Variants in DNAH17 observed in about 807,000 individuals in gnomAD.
DNAH17 encodes the protein axonemal beta dynein heavy chain 17.
A neutral mutation model predicts 485.6 loss-of-function variants in DNAH17; 376 were observed. That is an observed-to-expected ratio of 0.77 (90% CI 0.71 to 0.84). DNAH17 has a LOEUF of 0.84. DNAH17 is among the 40% of genes least tolerant of loss of function. The probability of loss-of-function intolerance (pLI) is 0.00; values close to 1 mark genes in which losing one functional copy is unlikely to be tolerated. For synonymous variants in DNAH17, 3,031 were observed against 2,405.9 expected, an observed-to-expected ratio of 1.26 and a Z score of -7.60; for missense variants, 6,370 against 5,839.3, an observed-to-expected ratio of 1.09 and a Z score of -2.96.
rs750347013 is a variant in DNAH17 at position 78,574,834 on chromosome 17, T to C, written c.224A>G (p.Lys75Arg). Residue 75 changes from lysine (K) to arginine (R), a missense_variant, in exon 2 of 81, where the codon AAA becomes AGA. Physicochemically the swap from Lys to Arg is conservative, Grantham distance 26. Transcript: ENST00000389840. Reference sequence around the variant, plus strand: ...CTTTGTCTTGATGAAGTAAACCCCTTTGGACTTGAGGGACTGGGGGAAGCC... The same window carrying C: ...CTTTGTCTTGATGAAGTAAACCCCTCTGGACTTGAGGGACTGGGGGAAGCC... ...CLGFPQSLKS[K>R]GVYFIKTKSE... 2.5e-6 allele frequency: 4 copies of C among 1,613,852 alleles called. No individual in the cohort carries two copies. Among genetic ancestry groups the C allele is most frequent in the African/African-American group, 1.3e-5 (1 of 74,902 alleles).
At chr17:78,527,844 T>C (rs993003552) in intron 22 of DNAH17, among the ~76,000 whole-genome samples, 1 of 152,180 alleles carries the variant, frequency 6.6e-6, no homozygotes. Context: ...AGTGGTGCGA[T>C]CTTGGCTCAC....
Position 78,524,896 on chromosome 17 carries a change from C to T in DNAH17, c.3864+113G>A, listed in dbSNP as rs1027659144. 3.0e-5 allele frequency: 43 copies of T among 1,444,870 alleles called. 1 individual carries two copies. In the Admixed American group the frequency reaches 5.9e-4, roughly 20 times the overall value. 89.5% of individuals were successfully genotyped at this position (1,444,870 alleles called of 1,614,324 possible). ...GGATGCCTCCACCCAACACCAGAAA[C>T]CTTCTTGTCACATTCTTACAACCAA... On this transcript the variant is annotated intron_variant, in intron 25 of 80. Coordinates refer to ENST00000389840, the MANE Select transcript of DNAH17 (RefSeq NM_173628.4).
In DNAH17 at chr17:78,492,697, G is replaced by A. The variant is rs1312548125; in HGVS notation, c.6477C>T (p.Pro2159=). 1 of 1,613,442 alleles carries A rather than the reference G, an allele frequency of 6.2e-7. No homozygotes were observed. Among genetic ancestry groups the A allele is most frequent in the East Asian group, 2.2e-5 (1 of 44,838 alleles). ...AGAGCTCGTCGCAGGTGACGGCCTT[G>A]GGGTCCAGGTCCACGGCGACCGGCT... is the stretch of plus-strand genomic sequence containing the variant. ...KRKPVAVDLD[P]KAVTCDELFG... Residue 2159 remains proline, a synonymous_variant, in exon 42 of 81, where the codon CCC becomes CCT. Coordinates refer to ENST00000389840, the MANE Select transcript of DNAH17 (RefSeq NM_173628.4).
At chr17:78,472,393 C>G (rs1190429244) in intron 54 of DNAH17, among the ~76,000 whole-genome samples, 2 of 151,926 alleles carry the variant, frequency 1.3e-5, no homozygotes, top group Non-Finnish European at 2.9e-5. Context: ...AAGGCCTCCT[C>G]CCTGAGAATA....
In DNAH17 at chr17:78,502,631, T is replaced by C; in HGVS notation, c.5150A>G (p.Glu1717Gly). The change falls in exon 33 of 81, where the codon GAA becomes GGA. Residue 1717 changes from glutamate to glycine, a missense_variant. Transcript: ENST00000389840. ...ATCTCTGATAGCGTTTTCATAGCCT[T>C]CCTCCAGCCTGGCAAATGCCAGGCC... is the stretch of plus-strand genomic sequence containing the variant. ...EVGLAFARLE[E>G]GYENAIRDYN... The C allele has an allele frequency of 8.1e-6, 13 of 1,612,728 alleles. No homozygotes were observed. The highest frequency in any genetic ancestry group is 1.1e-5 in the Non-Finnish European group (13 of 1,179,874).
Position 78,426,523 on chromosome 17 carries a change from C to T in DNAH17, c.12849G>A (p.Val4283=). The T allele has an allele frequency of 6.2e-7, 1 of 1,613,764 alleles. No individual in the cohort carries two copies. The highest frequency in any genetic ancestry group is 8.5e-7 in the Non-Finnish European group (1 of 1,179,784). ...CCATCATGGAGGGGTAGGCCCGGGC[C>T]ACCCACGTATCAGGCACGGTGTCAT... is the stretch of plus-strand genomic sequence containing the variant. ...LFYDTVPDTW[V]ARAYPSMMGL... The change falls in exon 79 of 81, where the codon GTG becomes GTA. Residue 4283 remains valine (V), a synonymous_variant. Transcript: ENST00000389840.
chr17:78,484,743 C>CCCAGG, intron 48 of DNAH17, 125 bp downstream of exon 48: 9 of 295,600 alleles, frequency 3.0e-5, no homozygotes, highest in African/African-American at 1.1e-4. Flanking sequence ...TGCAGCACCC[C>CCCAGG]CCCCACCGCC....
Position 78,514,885 on chromosome 17 carries a change from C to T in DNAH17, c.4002G>A (p.Val1334=), listed in dbSNP as rs987304284. 6.2e-7 allele frequency: 1 copy of T among 1,614,062 alleles called. No individual in the cohort carries two copies. The highest frequency in any genetic ancestry group is 1.7e-5 in the Admixed American group (1 of 60,024). ...CGTTTTTCACGGTGTTGTCGAGCCC[C>T]ACGAAGGCATCCCAGGTTTTCATCT... ...DKEMKTWDAF[V]GLDNTVKNVI... is the part of the protein sequence containing the mutation. Residue 1334 remains valine, a synonymous_variant, in exon 26 of 81, where the codon GTG becomes GTA. Coordinates refer to ENST00000389840, the MANE Select transcript of DNAH17 (RefSeq NM_173628.4).
At chr17:78,502,561 AACGTAACT>A in intron 33 of DNAH17, 22 bp downstream of exon 33, 7 of 1,589,508 alleles carry the variant, frequency 4.4e-6, no homozygotes, top group Non-Finnish European at 6.0e-6. Flanking sequence ...AAGTTTTAAA[AACGTAACT>A]AACTACACAC....
chr17:78,548,225 G>A (rs528869196), intron 16 of DNAH17, among the ~76,000 whole-genome samples: 288 of 17,568 alleles, frequency 0.016, 2 homozygotes, highest in Middle Eastern at 0.033. Flanking sequence ...TTTTTTTGGA[G>A]ACAGAGTCTT....
In DNAH17 at chr17:78,567,110, GC is replaced by G; in HGVS notation, c.1340del (p.Gly447AlafsTer11). ...GGCTCCCGAGGAGGTTCCCACGCAC[GC>G]CCCCAAGCTCGATTTTCTCCAGCTT... ...FLKLEKIELG[G>X]VRGNLLGSLV... On this transcript the variant is annotated frameshift_variant, in exon 10 of 81. Coordinates refer to ENST00000389840, the MANE Select transcript of DNAH17 (RefSeq NM_173628.4). LOFTEE classifies it high-confidence loss of function. The G allele has an allele frequency of 6.2e-7, 1 of 1,611,734 alleles. No homozygotes were observed. The highest frequency in any genetic ancestry group is 8.5e-7 in the Non-Finnish European group (1 of 1,178,964).
At chr17:78,509,832 C>G (rs2090584163) in intron 27 of DNAH17, among the ~76,000 whole-genome samples, 1 of 152,218 alleles carries the variant, frequency 6.6e-6, no homozygotes, top group African/African-American at 2.4e-5. Context: ...ATGTTCCAAA[C>G]TATTGCATGT....
At chr17:78,427,778 C>A (rs1159811658) in intron 77 of DNAH17, among the ~76,000 whole-genome samples, 1 of 152,112 alleles carries the variant, frequency 6.6e-6, no homozygotes, top group African/African-American at 2.4e-5. Flanking sequence ...TCAAAACCAG[C>A]CTGGCCAACA....
In DNAH17 at chr17:78,524,993, C is replaced by T. The variant is rs764082490; in HGVS notation, c.3864+16G>A. On this transcript the variant is annotated intron_variant, in intron 25 of 80. Coordinates refer to ENST00000389840, the MANE Select transcript of DNAH17 (RefSeq NM_173628.4). ...AGAATCCCGGGCCCCACCCACGCGG[C>T]GTGCCCTGCACTCACCACAACAACC... is the stretch of plus-strand genomic sequence containing the variant. The T allele has an allele frequency of 1.1e-5, 18 of 1,595,000 alleles. No individual in the cohort carries two copies. Among genetic ancestry groups the T allele is most frequent in the Middle Eastern group, 1.7e-4 (1 of 6,006 alleles).
At position 78,459,772 on chromosome 17, in the gene DNAH17, G is replaced by A. The variant is rs1410817153; in HGVS notation, c.9653+12C>T. The A allele has an allele frequency of 1.2e-6, 2 of 1,613,652 alleles. No individual in the cohort carries two copies. The highest frequency in any genetic ancestry group is 1.7e-5 in the Admixed American group (1 of 60,010). Reference sequence around the variant, plus strand: ...AGGGAAGCCCCGGCTACGAGGCCCAGCCCCGACTCACTTGAAGGCCTTCAG... The same window carrying A: ...AGGGAAGCCCCGGCTACGAGGCCCAACCCCGACTCACTTGAAGGCCTTCAG... On this transcript the variant is annotated intron_variant, in intron 60 of 80. Transcript: ENST00000389840.
Position 78,507,564 on chromosome 17 carries a change from T to C in DNAH17, c.4478A>G (p.Gln1493Arg), listed in dbSNP as rs200445054. The change falls in exon 28 of 81, where the codon CAG (glutamine) becomes CGG (arginine). Residue 1493 changes from glutamine (Q) to arginine (R), a missense_variant. By Grantham distance (43) the Gln-to-Arg change is conservative. Coordinates refer to ENST00000389840, the MANE Select transcript of DNAH17 (RefSeq NM_173628.4). The part of the protein sequence containing the change: ...DSVISIWFEV[Q>R]RTWSHLESIF... ...GCTCTCCAGGTGGCTCCAGGTTCGCTGGACCTCAAACCAGATGGAGATGAC... is the reference window on the plus strand; with the variant it reads ...GCTCTCCAGGTGGCTCCAGGTTCGCCGGACCTCAAACCAGATGGAGATGAC... 184 of 1,613,982 alleles carry C rather than the reference T, an allele frequency of 1.1e-4. No homozygotes were observed. Among genetic ancestry groups the C allele is most frequent in the African/African-American group, 4.0e-5 (3 of 74,942 alleles).
rs368080543 is a variant in DNAH17, at chr17:78,501,819, C to G, written c.5245G>C (p.Asp1749His). The G allele has an allele frequency of 3.7e-5, 59 of 1,613,878 alleles. No homozygotes were observed. The highest frequency in any genetic ancestry group is 4.7e-5 in the Non-Finnish European group (55 of 1,179,902). Residue 1749 changes from aspartate (D) to histidine (H), a missense_variant, in exon 34 of 81, where the codon GAC becomes CAC. By Grantham distance (81) the Asp-to-His change is moderately conservative. Transcript: ENST00000389840. The stretch of plus-strand genomic sequence containing the variant: ...CAGATGGTCATGATCTTCATCCTGT[C>G]GCCAGCGTTGAGGTTCCCCATGAGC... ...TLLMGNLNAG[D>H]RMKIMTICTI...
At chr17:78,532,991 A>T in intron 19 of DNAH17, 2 of 341,908 alleles carry the variant, frequency 5.8e-6, no homozygotes, top group Non-Finnish European at 1.1e-5. Context: ...TCCTGGGCTC[A>T]AGCGATCCTC....
chr17:78,531,730 A>G (rs1231592610), intron 20 of DNAH17, among the ~76,000 whole-genome samples: 1 of 152,124 alleles, frequency 6.6e-6, no homozygotes, highest in African/African-American at 2.4e-5. Context: ...ATTCTTTTGC[A>G]TTCAATCTGT....
Sources: gnomAD v4.1 joint callset for allele counts (sites outside exome capture counted in the v4.1 genomes callset) on GRCh38, gnomAD v4.1.1 for gene constraint, MANE v1.5 for transcripts, NCBI Gene and HGNC (gene_info 2026-07-23, HGNC 2026-07-21) for gene names.